Variants in TAOK1 observed in about 807,000 individuals in gnomAD.
The protein encoded by TAOK1 is serine/threonine-protein kinase TAO1.
A neutral mutation model predicts 138.3 loss-of-function variants in TAOK1; 21 were observed. That is an observed-to-expected ratio of 0.15 (90% confidence interval 0.11 to 0.22). The LOEUF (loss-of-function observed/expected upper bound fraction) is 0.22, where lower values mean the gene tolerates loss of function less well. Ranked by LOEUF, TAOK1 falls within the 10% of genes least tolerant of loss-of-function variation. TAOK1 has a pLI of 1.00. For missense variants in TAOK1, 651 were observed against 1,227.7 expected (o/e 0.53, Z 7.02); for synonymous variants, 361 against 398.4 (o/e 0.91, Z 1.12).
chr17:29,491,695 C>G (rs964279529), intron 9 of TAOK1, 89 bp from the exon 10 acceptor site: 2 of 881,290 alleles, frequency 2.3e-6, no homozygotes, highest in Non-Finnish European at 3.8e-6. Flanking sequence ...TTCCATTTCC[C>G]CTCCCACCAA....
chr17:29,466,826 G>A (rs932873276), intron 2 of TAOK1, among the ~76,000 whole-genome samples: 2 of 152,054 alleles, frequency 1.3e-5, no homozygotes, highest in South Asian at 2.1e-4. Flanking sequence ...AACTTTATTA[G>A]CATAGACTTT....
chr17:29,403,318 A>G (rs1178710103), intron 1 of TAOK1, among the ~76,000 whole-genome samples: 1 of 152,136 alleles, frequency 6.6e-6, no homozygotes, highest in Non-Finnish European at 1.5e-5. Context: ...ATTCCCATTG[A>G]GGCTGAGAAA....
At chr17:29,521,710 G>T (rs558418762) in intron 16 of TAOK1, among the ~76,000 whole-genome samples, 2 of 152,200 alleles carry the variant, frequency 1.3e-5, no homozygotes, top group African/African-American at 4.8e-5. Flanking sequence ...AGCCTCCCGC[G>T]TAGCTGGGAC....
At chr17:29,474,074 T>A (rs147168007) in intron 3 of TAOK1, among the ~76,000 whole-genome samples, 1 of 152,146 alleles carries the variant, frequency 6.6e-6, no homozygotes, top group Non-Finnish European at 1.5e-5. Flanking sequence ...TTTCTTTCCT[T>A]AAACCTGATG....
intron 1 of TAOK1, among the ~76,000 whole-genome samples, chr17:29,437,830 T>C (rs1328270007): frequency 2.4e-5 from 2 of 81,784 alleles, no homozygotes; most frequent in Admixed American, 1.1e-4. Flanking sequence ...GCCTCCCAGG[T>C]TCAACGATTC....
chr17:29,418,620 T>A (rs1334208505), intron 1 of TAOK1, among the ~76,000 whole-genome samples: 1 of 152,214 alleles, frequency 6.6e-6, no homozygotes, highest in East Asian at 1.9e-4. Flanking sequence ...AGTATTTGCA[T>A]ATAACCTACA....
intron 15 of TAOK1, chr17:29,514,041 TC>T (rs2031771528): frequency 6.6e-6 from 1 of 152,122 alleles, no homozygotes; most frequent in Non-Finnish European, 1.5e-5. Context: ...GGCAGGAGAA[TC>T]CCTGTAACTT....
chr17:29,429,270 T>C (rs758144973), intron 1 of TAOK1, among the ~76,000 whole-genome samples: 1 of 152,110 alleles, frequency 6.6e-6, no homozygotes, highest in Non-Finnish European at 1.5e-5. Flanking sequence ...TTGTATACCT[T>C]TCATCTACTT....
chr17:29,482,375 T>A (rs750490818), intron 8 of TAOK1, 87 bp downstream of exon 8: 8 of 1,076,606 alleles, frequency 7.4e-6, no homozygotes, highest in Non-Finnish European at 1.1e-5. Flanking sequence ...ATTATAGATT[T>A]TTATCTTAAA....
chr17:29,503,612 A>G (rs2031573218), intron 13 of TAOK1, among the ~76,000 whole-genome samples: 1 of 152,176 alleles, frequency 6.6e-6, no homozygotes, highest in South Asian at 2.1e-4. Flanking sequence ...AAACCAAAGC[A>G]TGATAAAGGA....
intron 18 of TAOK1, among the ~76,000 whole-genome samples, chr17:29,531,472 C>T (rs143113769): frequency 0.013 from 402 of 31,248 alleles, no homozygotes; most frequent in African/African-American, 0.045. Flanking sequence ...TTTTAAAGGG[C>T]CAGATAAGGC....
intron 3 of TAOK1, among the ~76,000 whole-genome samples, 165 bp downstream of exon 3, chr17:29,467,381 C>G (rs552231922): frequency 2.6e-5 from 4 of 151,990 alleles, no homozygotes; most frequent in Non-Finnish European, 5.9e-5. Flanking sequence ...TCACGCCATT[C>G]TCCTGCCTCA....
intron 12 of TAOK1, among the ~76,000 whole-genome samples, chr17:29,501,793 T>G (rs2153028611): frequency 6.6e-6 from 1 of 152,258 alleles, no homozygotes; most frequent in East Asian, 1.9e-4. Flanking sequence ...TCCCAACATA[T>G]TGGGAGGCCA....
At chr17:29,528,968 C>CT (rs377040359) in intron 17 of TAOK1, among the ~76,000 whole-genome samples, 30,389 of 126,918 alleles carry the variant, frequency 0.24, 4,095 homozygotes, top group East Asian at 0.66. Flanking sequence ...GCTTTTATAT[C>CT]TTTTTTTTTT....
chr17:29,482,397 A>G lies in TAOK1; in HGVS notation c.655+109A>G. On this transcript the variant is annotated intron_variant, in intron 8 of 19. Transcript: ENST00000261716. ...ATTTTTATCTTAAATGTCACTTTATAAGGGGGGCAATACATTTATTAAGGT... is the reference window on the plus strand; with the variant it reads ...ATTTTTATCTTAAATGTCACTTTATGAGGGGGGCAATACATTTATTAAGGT... 4 of 850,782 alleles carry G rather than the reference A, an allele frequency of 4.7e-6. No individual in the cohort carries two copies. In the South Asian group the frequency reaches 6.4e-5, roughly 14 times the overall value. The allele number at this position is 850,782 out of a possible 1,614,324, so 52.7% of individuals were successfully genotyped here.
At chr17:29,420,308 A>G (rs62066572) in intron 1 of TAOK1, among the ~76,000 whole-genome samples, 2,052 of 152,240 alleles carry the variant, frequency 0.013, 17 homozygotes, top group Middle Eastern at 0.031. Context: ...TGCTGGGATT[A>G]CAAGAATGAG....
rs527657947 is a variant in TAOK1, at chr17:29,496,169, C to T, written c.999+442C>T. Among the ~76,000 whole-genome samples, 7 of 152,220 alleles carry T rather than the reference C, an allele frequency of 4.6e-5. No homozygotes were observed. In the South Asian group the frequency reaches 8.3e-4, roughly 18 times the overall value. ...AGGTTGGAGTGCAATGACATGATCTCGGCTCACTGCAACCTCCACCTCCCT... is the reference window on the plus strand; with the variant it reads ...AGGTTGGAGTGCAATGACATGATCTTGGCTCACTGCAACCTCCACCTCCCT... On this transcript the variant is annotated intron_variant, in intron 11 of 19. Coordinates refer to ENST00000261716, the MANE Select transcript of TAOK1 (RefSeq NM_020791.4).
chr17:29,434,566 C>G (rs1384092786), intron 1 of TAOK1, among the ~76,000 whole-genome samples: 3 of 152,040 alleles, frequency 2.0e-5, no homozygotes, highest in Non-Finnish European at 4.4e-5. Flanking sequence ...ACCATGAGTA[C>G]CAAAGTGGCT....
intron 17 of TAOK1, among the ~76,000 whole-genome samples, chr17:29,525,562 G>A (rs950578428): frequency 8.6e-5 from 13 of 151,826 alleles, no homozygotes; most frequent in African/African-American, 2.2e-4. Context: ...CCACCATCAC[G>A]CCCTCGTGTT....
Sources: allele counts gnomAD v4.1 joint callset (sites outside exome capture counted in the v4.1 genomes callset), GRCh38; gene constraint gnomAD v4.1.1; transcripts MANE v1.5; gene names NCBI Gene and HGNC (gene_info 2026-07-23, HGNC 2026-07-21).